GNPDA2: variants seen among roughly 807,000 people sequenced by gnomAD.
GNPDA2 encodes glcN6P deaminase 2.
Under a neutral mutation model 27.0 loss-of-function variants are expected in GNPDA2, and 24 were observed. The ratio of observed to expected loss-of-function variants is 0.89; its 90% CI spans 0.64 to 1.25. GNPDA2 has a LOEUF of 1.25. Among genes scored for constraint, GNPDA2 ranks in the 50% most tolerant of loss-of-function variants. The pLI is 0.00. For synonymous variants in GNPDA2, 94 were observed against 108.4 expected (o/e 0.87, Z 0.83); for missense variants, 286 against 335.1 (o/e 0.85, Z 1.14).
intron 1 of GNPDA2, 136 bp from the exon 2 acceptor site, chr4:44,722,378 G>C: frequency 1.6e-6 from 1 of 616,794 alleles, no homozygotes. Context: ...CATTACTGAA[G>C]AAGGACATGC....
At chr4:44,710,405 G>T (rs1438715699) in intron 5 of GNPDA2, among the ~76,000 whole-genome samples, 2 of 152,048 alleles carry the variant, frequency 1.3e-5, no homozygotes, top group African/African-American at 4.8e-5. Context: ...GAAAATGACA[G>T]CCCAATTTAA....
chr4:44,701,933 A>C lies in GNPDA2; in HGVS notation c.*1148T>G. On this transcript the variant is annotated 3_prime_UTR_variant, in exon 7 of 7. Coordinates refer to ENST00000295448, the MANE Select transcript of GNPDA2 (RefSeq NM_138335.3). The stretch of plus-strand genomic sequence containing the variant: ...GAAACTACATTTTAATCACATAGAC[A>C]AGCAGATAAGTAAGGCTTCTTCTAC... The C allele has an allele frequency of 2.0e-6, 2 of 984,458 alleles. No individual in the cohort carries two copies. The highest frequency in any genetic ancestry group is 1.2e-6 in the Non-Finnish European group (1 of 829,188). 61.0% of individuals were successfully genotyped at this position (984,458 alleles called of 1,614,324 possible). A position where few individuals can be genotyped will look rare whatever the true frequency, so the allele number is the denominator to read the frequency against.
intron 5 of GNPDA2, 69 bp from the exon 6 acceptor site, chr4:44,707,995 C>A: frequency 2.7e-6 from 3 of 1,099,244 alleles, no homozygotes; most frequent in Non-Finnish European, 3.8e-6. Context: ...TTTTTTTAAA[C>A]GAGAACTTAA....
chr4:44,711,067 C>T lies in GNPDA2; in HGVS notation c.480G>A (p.Lys160=). Residue 160 remains lysine, a synonymous_variant, in exon 5 of 7, where the codon AAG becomes AAA. Transcript: ENST00000295448. ...GSSLVSRTRL[K]TLAMDTILAN... is the part of the protein sequence containing the mutation. ...CCAAGATGGTATCCATTGCTAGAGT[C>T]TTTAATCTTGTCCTTGACACTAAAC... 1 of 1,613,016 alleles carries T rather than the reference C, an allele frequency of 6.2e-7. No individual in the cohort carries two copies. Among genetic ancestry groups the T allele is most frequent in the Non-Finnish European group, 8.5e-7 (1 of 1,179,504 alleles).
intron 4 of GNPDA2, among the ~76,000 whole-genome samples, chr4:44,715,637 G>T (rs1453484386): frequency 2.6e-5 from 4 of 151,960 alleles, no homozygotes; most frequent in Non-Finnish European, 4.4e-5. Context: ...GGTACAAATG[G>T]TTAATTATCT....
In GNPDA2 at chr4:44,717,094, A is replaced by T. The variant is rs749458629; in HGVS notation, c.409+19T>A. The T allele has an allele frequency of 9.6e-6, 15 of 1,559,224 alleles. No homozygotes were observed. In the East Asian group the frequency reaches 3.4e-4, roughly 35 times the overall value. On this transcript the variant is annotated intron_variant, in intron 4 of 6. Coordinates refer to ENST00000295448, the MANE Select transcript of GNPDA2 (RefSeq NM_138335.3). ...TTCAAACACTAACAAACAGTTAATG[A>T]CAAAAGGTTTTTACATACCTCCAAC...
intron 5 of GNPDA2, among the ~76,000 whole-genome samples, chr4:44,708,399 G>A (rs1214447265): frequency 6.6e-6 from 1 of 152,106 alleles, no homozygotes; most frequent in Non-Finnish European, 1.5e-5. Context: ...AGAAAAGCCT[G>A]AAGAGCATTT....
At chr4:44,720,017 A>C (rs1490823142) in intron 2 of GNPDA2, among the ~76,000 whole-genome samples, 1 of 152,136 alleles carries the variant, frequency 6.6e-6, no homozygotes, top group Admixed American at 6.5e-5. Flanking sequence ...ACATCAAATA[A>C]AAAAGACTAC....
At position 44,703,364 on chromosome 4, in the gene GNPDA2, T is replaced by C. The variant is rs1386037565; in HGVS notation, c.770-222A>G. Reference sequence around the variant, plus strand: ...TTATAATTATGTAACAGTGCAGATCTAGAATGTGTACAGGTACTTTGGGAG... The same window carrying C: ...TTATAATTATGTAACAGTGCAGATCCAGAATGTGTACAGGTACTTTGGGAG... On this transcript the variant is annotated intron_variant, in intron 6 of 6. Coordinates refer to ENST00000295448, the MANE Select transcript of GNPDA2 (RefSeq NM_138335.3). The C allele has an allele frequency of 3.0e-6, 4 of 1,313,190 alleles. No homozygotes were observed. In the East Asian group the frequency reaches 1.3e-4, roughly 42 times the overall value. 81.3% of individuals were successfully genotyped at this position (1,313,190 alleles called of 1,614,324 possible).
intron 4 of GNPDA2, 113 bp from the exon 5 acceptor site, chr4:44,711,250 C>A: frequency 1.8e-6 from 1 of 542,986 alleles, no homozygotes; most frequent in South Asian, 5.0e-5. Flanking sequence ...TACTTGAATT[C>A]CTATTACTGC....
At chr4:44,721,334 A>T (rs1717655082) in intron 2 of GNPDA2, among the ~76,000 whole-genome samples, 1 of 152,200 alleles carries the variant, frequency 6.6e-6, no homozygotes, top group Non-Finnish European at 1.5e-5. Context: ...TCAAAACAGC[A>T]TCTTAAGTTA....
chr4:44,726,096 C>T (rs1385740310), intron 1 of GNPDA2, among the ~76,000 whole-genome samples: 1 of 152,136 alleles, frequency 6.6e-6, no homozygotes, highest in African/African-American at 2.4e-5. Context: ...GGTTCCTGCC[C>T]GGGAGGCGGG....
chr4:44,717,289 G>C lies in GNPDA2; in HGVS notation c.233C>G (p.Pro78Arg). ...TFNMDEYVGL[P>R]RNHPESYHSY... The stretch of plus-strand genomic sequence containing the variant: ...ATGGTAGCTTTCAGGATGATTTCTT[G>C]GAAGTCCTAAAGATGAAGTTAATAA... The change falls in exon 4 of 7, where the codon CCA (proline) becomes CGA (arginine). Residue 78 changes from proline to arginine, a missense_variant. Pro to Arg is a moderately radical substitution (Grantham distance 103). Transcript: ENST00000295448. The C allele has an allele frequency of 6.8e-7, 1 of 1,470,846 alleles. No individual in the cohort carries two copies. The highest frequency in any genetic ancestry group is 9.2e-7 in the Non-Finnish European group (1 of 1,087,888). 91.1% of individuals were successfully genotyped at this position (1,470,846 alleles called of 1,614,324 possible).
At chr4:44,704,443 A>G (rs1171308828) in intron 6 of GNPDA2, 1 of 877,522 alleles carries the variant, frequency 1.1e-6, no homozygotes, top group African/African-American at 1.8e-5. Context: ...AAATACATGC[A>G]AATTAAAATA....
At chr4:44,717,561 T>C (rs140541644) in intron 3 of GNPDA2, among the ~76,000 whole-genome samples, 34 of 151,970 alleles carry the variant, frequency 2.2e-4, no homozygotes, top group Admixed American at 3.3e-4. Context: ...AAAGGTCCCA[T>C]AGTTCGCAAA....
chr4:44,709,814 T>A (rs1248482577), intron 5 of GNPDA2, among the ~76,000 whole-genome samples: 42 of 141,690 alleles, frequency 3.0e-4, no homozygotes, highest in African/African-American at 1.0e-3. Context: ...AAAAAAAAAA[T>A]GAAAAATTGA....
Position 44,717,191 on chromosome 4 carries a change from C to T in GNPDA2, c.331G>A (p.Ala111Thr). The T allele has an allele frequency of 1.9e-6, 3 of 1,607,750 alleles. No homozygotes were observed. The South Asian group carries it at 3.3e-5, about 18-fold the overall frequency. Residue 111 changes from alanine to threonine, a missense_variant, in exon 4 of 7, where the codon GCT (alanine) becomes ACT (threonine). By Grantham distance (58) the Ala-to-Thr change is moderately conservative. Transcript: ENST00000295448. Reference sequence around the variant, plus strand: ...TCACATTCTGCTTGTAAATCTGCAGCATTCCCGTCAAGGATATGTGCATTA... The same window carrying T: ...TCACATTCTGCTTGTAAATCTGCAGTATTCCCGTCAAGGATATGTGCATTA... ...PNNAHILDGN[A>T]ADLQAECDAF...
At chr4:44,705,594 T>C (rs1411743259) in intron 6 of GNPDA2, 1 of 391,656 alleles carries the variant, frequency 2.6e-6, no homozygotes, top group African/African-American at 2.2e-5. Context: ...CTAACATATG[T>C]CGATATACCT....
At chr4:44,708,818 A>G (rs1302869962) in intron 5 of GNPDA2, among the ~76,000 whole-genome samples, 1 of 152,174 alleles carries the variant, frequency 6.6e-6, no homozygotes, top group African/African-American at 2.4e-5. Flanking sequence ...TACATATTTT[A>G]TAACTAGACC....
Sources: allele counts gnomAD v4.1 joint callset (sites outside exome capture counted in the v4.1 genomes callset), GRCh38; gene constraint gnomAD v4.1.1; transcripts MANE v1.5; gene names NCBI Gene and HGNC (gene_info 2026-07-23, HGNC 2026-07-21).